The following ASIC2 variants were observed in gnomAD, a reference collection of about 807,000 sequenced individuals.
ASIC2 encodes acid-sensing ion channel 2.
A neutral mutation model predicts 57.3 loss-of-function variants in ASIC2; 25 were observed. The ratio of observed to expected loss-of-function variants is 0.44; its 90% confidence interval spans 0.32 to 0.61. The LOEUF (loss-of-function observed/expected upper bound fraction) is 0.61. Among genes scored for constraint, ASIC2 ranks in the 20% least tolerant of loss-of-function variants. The probability of loss-of-function intolerance (pLI) is 0.06; values close to 1 mark genes in which losing one functional copy is unlikely to be tolerated. For synonymous variants in ASIC2, 319 were observed against 307.5 expected (o/e 1.04, Z -0.39); for missense variants, 641 against 738.1 (o/e 0.87, Z 1.52).
At chr17:33,118,191 A>C (rs1222155111) in intron 1 of ASIC2, among the ~76,000 whole-genome samples, 1 of 152,256 alleles carries the variant, frequency 6.6e-6, no homozygotes, top group Non-Finnish European at 1.5e-5. Context: ...TCAGATAAAC[A>C]TAGAATAAAG....
At chr17:33,476,545 GTGTGTGT>G (rs1567624921) in intron 1 of ASIC2, among the ~76,000 whole-genome samples, 1 of 88,382 alleles carries the variant, frequency 1.1e-5, no homozygotes, top group African/African-American at 4.0e-5. Context: ...ATGTACAGGG[GTGTGTGT>G]GTGTGTGTGT....
At chr17:33,929,554 A>T (rs1047038529) in intron 1 of ASIC2, among the ~76,000 whole-genome samples, 3 of 152,222 alleles carry the variant, frequency 2.0e-5, no homozygotes, top group African/African-American at 7.2e-5. Flanking sequence ...CGCAAACGCA[A>T]CAACAAATCT....
chr17:34,021,837 G>GTTTT (rs11394863), intron 1 of ASIC2, among the ~76,000 whole-genome samples: 15 of 118,320 alleles, frequency 1.3e-4, no homozygotes, highest in East Asian at 2.4e-4. Context: ...GTTTTGTTTT[G>GTTTT]TTTTTTTTTT....
At chr17:33,286,554 G>A (rs543967330) in intron 1 of ASIC2, among the ~76,000 whole-genome samples, 18 of 152,272 alleles carry the variant, frequency 1.2e-4, no homozygotes, top group Non-Finnish European at 2.1e-4. Flanking sequence ...TGAACTAGGC[G>A]CGGGGCCTAG....
At chr17:33,512,386 G>A (rs12603733) in intron 1 of ASIC2, among the ~76,000 whole-genome samples, 18 of 152,340 alleles carry the variant, frequency 1.2e-4, no homozygotes, top group Non-Finnish European at 2.4e-4. Flanking sequence ...GTTGGTCATA[G>A]CTGTAGGCAG....
intron 1 of ASIC2, among the ~76,000 whole-genome samples, chr17:34,088,581 C>T (rs1049327646): frequency 5.3e-5 from 8 of 152,216 alleles, no homozygotes; most frequent in Non-Finnish European, 1.2e-4. Flanking sequence ...CAGACAGGGA[C>T]ATTTAAGTCT....
At chr17:33,730,663 T>C (rs137983747) in intron 1 of ASIC2, among the ~76,000 whole-genome samples, 1 of 152,222 alleles carries the variant, frequency 6.6e-6, no homozygotes, top group Admixed American at 6.5e-5. Context: ...TGTTAAACTG[T>C]TTTACAAACT....
intron 1 of ASIC2, among the ~76,000 whole-genome samples, chr17:33,498,396 G>T (rs1914004081): frequency 6.6e-6 from 1 of 152,220 alleles, no homozygotes; most frequent in African/African-American, 2.4e-5. Context: ...GTAGGTGGGA[G>T]ACCAAAGAGC....
At chr17:34,063,714 A>G (rs1909055389) in intron 1 of ASIC2, among the ~76,000 whole-genome samples, 2 of 152,274 alleles carry the variant, frequency 1.3e-5, no homozygotes, top group South Asian at 4.1e-4. Flanking sequence ...TAGCTCTTCT[A>G]TACACCAACA....
chr17:33,180,561 C>T (rs901243161), intron 1 of ASIC2, among the ~76,000 whole-genome samples: 4 of 152,160 alleles, frequency 2.6e-5, no homozygotes, highest in Admixed American at 1.3e-4. Flanking sequence ...ATTCCACCAC[C>T]ACCATCATCA....
At chr17:33,221,213 C>A (rs2346686) in intron 1 of ASIC2, among the ~76,000 whole-genome samples, 1 of 152,094 alleles carries the variant, frequency 6.6e-6, no homozygotes, top group Non-Finnish European at 1.5e-5. Context: ...GGCCAAGTCA[C>A]TTTCCCACTC....
chr17:33,177,738 G>A (rs1248643834), intron 1 of ASIC2, among the ~76,000 whole-genome samples: 1 of 152,190 alleles, frequency 6.6e-6, no homozygotes, highest in Non-Finnish European at 1.5e-5. Flanking sequence ...CAATGCCTGG[G>A]AATCTGGTAA....
At chr17:33,644,575 C>T (rs1380873834) in intron 1 of ASIC2, among the ~76,000 whole-genome samples, 1 of 152,140 alleles carries the variant, frequency 6.6e-6, no homozygotes, top group East Asian at 1.9e-4. Context: ...AGAAACATAA[C>T]CTTTCTTGAT....
chr17:33,689,353 G>A (rs1201354739), intron 1 of ASIC2, among the ~76,000 whole-genome samples: 1 of 152,016 alleles, frequency 6.6e-6, no homozygotes, highest in Non-Finnish European at 1.5e-5. Context: ...TACTGGCACG[G>A]GCCACAGCAC....
At chr17:33,269,387 T>C (rs1460062676) in intron 1 of ASIC2, among the ~76,000 whole-genome samples, 1 of 152,142 alleles carries the variant, frequency 6.6e-6, no homozygotes, top group Non-Finnish European at 1.5e-5. Context: ...TCAAGTGGTG[T>C]CCCATCGGGG....
Position 33,408,367 on chromosome 17 carries a change from G to A in ASIC2, c.556-296300C>T, listed in dbSNP as rs574608933. Among the ~76,000 whole-genome samples, 4 of 152,296 alleles carry A rather than the reference G, an allele frequency of 2.6e-5. No individual in the cohort carries two copies. In the South Asian group the frequency reaches 8.3e-4, roughly 32 times the overall value. The stretch of plus-strand genomic sequence containing the variant: ...CTTCCATGCTGGGCTATGGTTGTAG[G>A]TGAAGGGTAGTGGGGAGGGCAGGAT... On this transcript the variant is annotated intron_variant, in intron 1 of 9. Transcript: ENST00000359872.
intron 2 of ASIC2, among the ~76,000 whole-genome samples, chr17:33,095,521 G>T (rs4289044): frequency 1.3e-5 from 2 of 152,122 alleles, no homozygotes; most frequent in East Asian, 3.8e-4. Flanking sequence ...CTCTGAGACA[G>T]AGGATCCCAC....
intron 1 of ASIC2, among the ~76,000 whole-genome samples, chr17:33,870,784 T>C (rs1395465844): frequency 6.6e-6 from 1 of 152,196 alleles, no homozygotes; most frequent in Non-Finnish European, 1.5e-5. Flanking sequence ...ATAATAAACT[T>C]ACCTTGTTAG....
rs147933755 is a variant in ASIC2 at position 34,058,998 on chromosome 17, G to A, written c.555+96980C>T. 3.6e-3 allele frequency among the ~76,000 whole-genome samples: 551 copies of A among 152,320 alleles called. 3 individuals are homozygous for A. The highest frequency in any genetic ancestry group is 0.013 in the African/African-American group (532 of 41,556). On this transcript the variant is annotated intron_variant, in intron 1 of 9. Transcript: ENST00000359872. The stretch of plus-strand genomic sequence containing the variant: ...ATTTAACAATTGTTTAGGGATCATG[G>A]CAGACAGGAGGCAGGACTAGATTGC...
Sources: gnomAD v4.1 joint callset for allele counts (sites outside exome capture counted in the v4.1 genomes callset) on GRCh38, gnomAD v4.1.1 for gene constraint, MANE v1.5 for transcripts, NCBI Gene and HGNC (gene_info 2026-07-23, HGNC 2026-07-21) for gene names.